Variants in PITPNC1 observed in about 807,000 individuals in gnomAD.
PITPNC1 encodes phosphatidylinositol transfer protein cytoplasmic 1.
PITPNC1 carries 18 observed loss-of-function variants against 44.7 expected under a neutral mutation model. The observed-to-expected ratio is 0.40, with a 90% CI of 0.28 to 0.60. The LOEUF is 0.60. Ranked by LOEUF, PITPNC1 falls within the 20% of genes least tolerant of loss-of-function variation. The probability of loss-of-function intolerance (pLI) is 0.39; values close to 1 mark genes in which losing one functional copy is unlikely to be tolerated. For synonymous variants in PITPNC1, 141 were observed against 149.6 expected (o/e 0.94, Z 0.42); for missense variants, 290 against 418.4 (o/e 0.69, Z 2.68).
intron 1 of PITPNC1, among the ~76,000 whole-genome samples, chr17:67,411,082 C>CAAA (rs11311248): frequency 5.1e-5 from 7 of 136,496 alleles, no homozygotes; most frequent in African/African-American, 5.4e-5. Flanking sequence ...ACTCCCATCT[C>CAAA]AAAAAAAAAA....
intron 8 of PITPNC1, among the ~76,000 whole-genome samples, chr17:67,678,307 A>G (rs1404115385): frequency 6.6e-6 from 1 of 152,172 alleles, no homozygotes; most frequent in African/African-American, 2.4e-5. Context: ...CCGAATCTGG[A>G]GACCTTCAAA....
At chr17:67,573,556 CTTTTTT>C (rs35434515) in intron 4 of PITPNC1, among the ~76,000 whole-genome samples, 2 of 84,050 alleles carry the variant, frequency 2.4e-5, no homozygotes, top group Admixed American at 1.5e-4. Context: ...ACTGAATACT[CTTTTTT>C]TTTTTTTTTT....
chr17:67,644,111 G>A (rs1230946126), intron 6 of PITPNC1, among the ~76,000 whole-genome samples: 1 of 152,210 alleles, frequency 6.6e-6, no homozygotes, highest in African/African-American at 2.4e-5. Context: ...CTCTGTTATG[G>A]TTTAACCTGA....
intron 1 of PITPNC1, among the ~76,000 whole-genome samples, chr17:67,412,477 T>C (rs1393439302): frequency 6.6e-6 from 1 of 152,204 alleles, no homozygotes; most frequent in Non-Finnish European, 1.5e-5. Flanking sequence ...CCTGTGACCT[T>C]ACCTTAAATA....
rs898468274 is a variant in PITPNC1, at chr17:67,693,165, T to G, written c.*277T>G. On this transcript the variant is annotated 3_prime_UTR_variant, in exon 9 of 9. Coordinates refer to ENST00000581322, the MANE Select transcript of PITPNC1 (RefSeq NM_012417.4). ...AGAGAGGAAGCCTTGTTATTGGGCATTTGATGAGGTTTGGCATGGACTTCA... is the reference window on the plus strand; with the variant it reads ...AGAGAGGAAGCCTTGTTATTGGGCAGTTGATGAGGTTTGGCATGGACTTCA... The G allele has an allele frequency of 2.9e-6, 1 of 346,550 alleles. No homozygotes were observed. The allele number at this position is 346,550 out of a possible 1,614,324, so 21.5% of individuals were successfully genotyped here. A position where few individuals can be genotyped will look rare whatever the true frequency, so the allele number is the denominator to read the frequency against.
chr17:67,444,105 T>C (rs1350880784), intron 1 of PITPNC1, among the ~76,000 whole-genome samples: 1 of 151,936 alleles, frequency 6.6e-6, no homozygotes, highest in East Asian at 1.9e-4. Flanking sequence ...ACTAGAACAA[T>C]GTGGGTTCAT....
At position 67,425,191 on chromosome 17, in the gene PITPNC1, G is replaced by GCGCACACGCA. The variant is rs1319854160; in HGVS notation, c.48+46994_48+46995insACGCACGCAC. Among the ~76,000 whole-genome samples the GCGCACACGCA allele has an allele frequency of 5.2e-5, 2 of 38,640 alleles. 1 individual carries two copies. The highest frequency in any genetic ancestry group is 1.4e-3 in the South Asian group (2 of 1,428). 25.3% of individuals were successfully genotyped at this position (38,640 alleles called of 152,430 possible). A position where few individuals can be genotyped will look rare whatever the true frequency, so the allele number is the denominator to read the frequency against. On this transcript the variant is annotated intron_variant, in intron 1 of 8. Transcript: ENST00000581322. ...TGAAATAAACAGCCATGTTGTGCGC[G>GCGCACACGCA]CGCACGCACACGCACACACACACAC...
intron 1 of PITPNC1, among the ~76,000 whole-genome samples, chr17:67,378,577 G>A (rs2143769695): frequency 6.6e-6 from 1 of 152,264 alleles, no homozygotes; most frequent in South Asian, 2.1e-4. Flanking sequence ...CGTCCTGGCC[G>A]TGGGCCCAGC....
chr17:67,577,097 CAG>C (rs2041159508), intron 4 of PITPNC1, among the ~76,000 whole-genome samples: 5 of 151,974 alleles, frequency 3.3e-5, no homozygotes. Flanking sequence ...GCCTGGGCAA[CAG>C]AGAGAGACCC....
intron 5 of PITPNC1, among the ~76,000 whole-genome samples, chr17:67,625,142 G>A (rs560361133): frequency 6.6e-6 from 1 of 152,250 alleles, no homozygotes; most frequent in South Asian, 2.1e-4. Flanking sequence ...TGGGTAGAAA[G>A]TAGAAGGGAA....
intron 5 of PITPNC1, among the ~76,000 whole-genome samples, chr17:67,620,701 A>G (rs2041818451): frequency 6.6e-6 from 1 of 152,324 alleles, no homozygotes; most frequent in South Asian, 2.1e-4. Flanking sequence ...CCAGAGAAGC[A>G]CTGAAGTTTA....
At chr17:67,463,193 A>G (rs866019266) in intron 1 of PITPNC1, among the ~76,000 whole-genome samples, 4 of 141,234 alleles carry the variant, frequency 2.8e-5, no homozygotes, top group African/African-American at 1.1e-4. Context: ...ACTTATAAAT[A>G]CTTCTGCATA....
At chr17:67,673,847 A>G (rs1004780972) in intron 7 of PITPNC1, among the ~76,000 whole-genome samples, 60 of 151,086 alleles carry the variant, frequency 4.0e-4, no homozygotes, top group Non-Finnish European at 7.1e-4. Context: ...GCTACTCAGG[A>G]GGCTGAGGCA....
chr17:67,559,242 G>T (rs1390296590), intron 4 of PITPNC1, among the ~76,000 whole-genome samples: 2 of 152,100 alleles, frequency 1.3e-5, no homozygotes, highest in Non-Finnish European at 2.9e-5. Context: ...AGGAACACAG[G>T]AACAAGTCCA....
At chr17:67,388,165 A>G (rs2038082862) in intron 1 of PITPNC1, among the ~76,000 whole-genome samples, 1 of 152,192 alleles carries the variant, frequency 6.6e-6, no homozygotes, top group Non-Finnish European at 1.5e-5. Flanking sequence ...TTTACCAATT[A>G]GAGATTCTTT....
At chr17:67,433,354 G>A (rs543265764) in intron 1 of PITPNC1, among the ~76,000 whole-genome samples, 1 of 152,342 alleles carries the variant, frequency 6.6e-6, no homozygotes, top group South Asian at 2.1e-4. Context: ...CTGTGGAACC[G>A]GAGTCTGGAG....
intron 1 of PITPNC1, among the ~76,000 whole-genome samples, chr17:67,494,392 G>GT (rs1244330832): frequency 1.3e-5 from 2 of 151,824 alleles, no homozygotes; most frequent in East Asian, 3.9e-4. Flanking sequence ...TAGAGACAGG[G>GT]TTTCACCATC....
intron 4 of PITPNC1, among the ~76,000 whole-genome samples, chr17:67,556,452 T>A (rs1443400550): frequency 6.6e-6 from 1 of 152,226 alleles, no homozygotes; most frequent in Non-Finnish European, 1.5e-5. Context: ...AAGATTGTTG[T>A]CTCATATTTT....
rs879366971 is a variant in PITPNC1 at position 67,495,040 on chromosome 17, G to GTTTTTTTTTTTTTTTT, written c.49-37751_49-37750insTTTTTTTTTTTTTTTT. Among the ~76,000 whole-genome samples the GTTTTTTTTTTTTTTTT allele has an allele frequency of 2.0e-3, 128 of 64,712 alleles. 34 individuals carry two copies. Among genetic ancestry groups the GTTTTTTTTTTTTTTTT allele is most frequent in the East Asian group, 5.7e-3 (12 of 2,120 alleles). 42.5% of individuals were successfully genotyped at this position (64,712 alleles called of 152,430 possible). On this transcript the variant is annotated intron_variant, in intron 1 of 8. Transcript: ENST00000581322. Reference sequence around the variant, plus strand: ...TTTGGCAATATTGAGCCATGGAGTTGTTTTTTTTTTTGTTTTTTTTTTTTT... The same window carrying GTTTTTTTTTTTTTTTT: ...TTTGGCAATATTGAGCCATGGAGTTGTTTTTTTTTTTTTTTTTTTTTTTTTTTGTTTTTTTTTTTTT...
Sources: gnomAD v4.1 joint callset for allele counts (sites outside exome capture counted in the v4.1 genomes callset) on GRCh38, gnomAD v4.1.1 for gene constraint, MANE v1.5 for transcripts, NCBI Gene and HGNC (gene_info 2026-07-23, HGNC 2026-07-21) for gene names.